The following C11orf65 variants were observed in gnomAD, a reference collection of about 807,000 sequenced individuals.
C11orf65 encodes the protein protein MFI.
A neutral mutation model predicts 35.3 loss-of-function variants in C11orf65; 38 were observed. The ratio of observed to expected loss-of-function variants is 1.08; its 90% CI spans 0.83 to 1.41. The LOEUF is 1.41. Among genes scored for constraint, C11orf65 ranks in the 40% most tolerant of loss-of-function variants. The probability of loss-of-function intolerance (pLI) is 0.00; values close to 1 mark genes in which losing one functional copy is unlikely to be tolerated. For missense variants in C11orf65, 370 were observed against 367.1 expected (o/e 1.01, Z -0.06); for synonymous variants, 105 against 114.4 (o/e 0.92, Z 0.53).
chr11:108,321,455 G>T, intron 6 of C11orf65: 1 of 1,613,532 alleles, frequency 6.2e-7, no homozygotes, highest in Non-Finnish European at 8.5e-7. Flanking sequence ...ATCCTAAAGT[G>T]CAGCTTTTCT....
intron 6 of C11orf65, among the ~76,000 whole-genome samples, chr11:108,405,155 A>G (rs1412326863): frequency 6.6e-6 from 1 of 152,162 alleles, no homozygotes; most frequent in African/African-American, 2.4e-5. Context: ...TTTGTTAACT[A>G]ATCTTAATGA....
intron 2 of C11orf65, among the ~76,000 whole-genome samples, chr11:108,445,930 G>T (rs1297965988): frequency 6.6e-6 from 1 of 152,168 alleles, no homozygotes; most frequent in Non-Finnish European, 1.5e-5. Flanking sequence ...GTGCTTAAAG[G>T]AGCTGATGGA....
At chr11:108,359,428 G>A (rs573187476) in intron 2 of C11orf65, among the ~76,000 whole-genome samples, 1 of 152,150 alleles carries the variant, frequency 6.6e-6, no homozygotes, top group East Asian at 1.9e-4. Flanking sequence ...ATTGAACTCA[G>A]CTCTGCACCA....
chr11:108,392,958 GAC>G (rs2092200847), intron 7 of C11orf65, among the ~76,000 whole-genome samples: 1 of 152,242 alleles, frequency 6.6e-6, no homozygotes, highest in East Asian at 1.9e-4. Flanking sequence ...AAGCAAAGCA[GAC>G]TAAAGCATAA....
At chr11:108,366,029 CAAA>C (rs369583811) in intron 2 of C11orf65, 124 of 100,356 alleles carry the variant, frequency 1.2e-3, no homozygotes, top group Middle Eastern at 4.4e-3. Context: ...AACTCCATCT[CAAA>C]AAAAAAAAAA....
intron 2 of C11orf65, among the ~76,000 whole-genome samples, chr11:108,450,078 A>G (rs1341494103): frequency 5.3e-5 from 8 of 152,082 alleles, no homozygotes; most frequent in Admixed American, 1.3e-4. Flanking sequence ...CAAAACCACA[A>G]TGAGATACCA....
At position 108,366,815 on chromosome 11, in the gene C11orf65, A is replaced by C. The variant is rs2091357915; in HGVS notation, c.226+26393T>G. ...ATAAGCTTCCATGTGTCCCACCTTT[A>C]TGGCAGGGGTGGAAGGAGGTACATT... On this transcript the variant is annotated intron_variant, in intron 2 of 3. Coordinates refer to the C11orf65 transcript ENST00000524755. The C allele has an allele frequency of 1.3e-5, 3 of 229,526 alleles. No individual in the cohort carries two copies. In the South Asian group the frequency reaches 5.4e-4, roughly 42 times the overall value. The allele number at this position is 229,526 out of a possible 1,614,324, so 14.2% of individuals were successfully genotyped here.
intron 2 of C11orf65, among the ~76,000 whole-genome samples, chr11:108,376,339 G>A (rs1460377032): frequency 7.2e-5 from 11 of 152,100 alleles, no homozygotes; most frequent in South Asian, 2.1e-4. Context: ...ACTCAAAACC[G>A]CTCAACTACA....
At chr11:108,341,522 C>A (rs2087577086) in intron 2 of C11orf65, among the ~76,000 whole-genome samples, 1 of 152,018 alleles carries the variant, frequency 6.6e-6, no homozygotes, top group South Asian at 2.1e-4. Flanking sequence ...TGTAATACGC[C>A]CCCAACAAAT....
intron 2 of C11orf65, among the ~76,000 whole-genome samples, chr11:108,338,987 A>G (rs1454958567): frequency 6.6e-6 from 1 of 152,206 alleles, no homozygotes; most frequent in Non-Finnish European, 1.5e-5. Flanking sequence ...TACATTGACT[A>G]CCTGGAACTA....
chr11:108,328,951 A>C, downstream of C11orf65: 1 of 1,448,176 alleles, frequency 6.9e-7, no homozygotes, highest in Non-Finnish European at 9.6e-7. Context: ...GTATTACCTT[A>C]ATTTGAGTGA....
At chr11:108,346,004 G>T (rs1450372588) in intron 2 of C11orf65, 4 of 1,425,988 alleles carry the variant, frequency 2.8e-6, no homozygotes, top group Non-Finnish European at 3.0e-6. Context: ...CTGAGTTGCA[G>T]GGGGATGATA....
Position 108,397,921 on chromosome 11 carries a change from T to C in C11orf65, c.561-4543A>G, listed in dbSNP as rs917118787. Among the ~76,000 whole-genome samples the C allele has an allele frequency of 3.3e-5, 5 of 152,144 alleles. No homozygotes were observed. The East Asian group carries it at 5.8e-4, about 18-fold the overall frequency. On this transcript the variant is annotated intron_variant, in intron 6 of 8. Coordinates refer to ENST00000393084, the MANE Select transcript of C11orf65 (RefSeq NM_152587.5). Reference sequence around the variant, plus strand: ...AGGTGGCAGACAAATACACAGTTAATTGCAAAAATGTGACCACTGAGTATA... The same window carrying C: ...AGGTGGCAGACAAATACACAGTTAACTGCAAAAATGTGACCACTGAGTATA...
intron 7 of C11orf65, among the ~76,000 whole-genome samples, chr11:108,388,698 G>A (rs903192676): frequency 5.3e-5 from 8 of 152,174 alleles, no homozygotes; most frequent in African/African-American, 1.2e-4. Context: ...TTTGAAAAAC[G>A]TGATGATCCT....
In C11orf65 at chr11:108,326,225, G is replaced by T. The variant is rs556778314; in HGVS notation, c.641-17154C>A. 1 of 1,613,700 alleles carries T rather than the reference G, an allele frequency of 6.2e-7. No individual in the cohort carries two copies. Among genetic ancestry groups the T allele is most frequent in the Non-Finnish European group, 8.5e-7 (1 of 1,179,930 alleles). The stretch of plus-strand genomic sequence containing the variant: ...AGAAGTTGGATGCCAGCTGTGCAGC[G>T]GTTTGTTTTTTTTATTGGCTGGATT... On this transcript the variant is annotated intron_variant, in intron 6 of 6. Transcript: ENST00000525729.
At chr11:108,424,546 C>T (rs190199532) in intron 3 of C11orf65, among the ~76,000 whole-genome samples, 10 of 152,200 alleles carry the variant, frequency 6.6e-5, no homozygotes, top group East Asian at 5.8e-4. Context: ...GACTTAGACT[C>T]CCACACAATA....
chr11:108,456,015 C>T (rs2093408204), intron 2 of C11orf65, among the ~76,000 whole-genome samples: 1 of 149,998 alleles, frequency 6.7e-6, no homozygotes, highest in African/African-American at 2.5e-5. Context: ...AGTATCCAGG[C>T]ATGGTGACCC....
rs1555119959 is a variant in C11orf65, at chr11:108,326,168, T to C, written c.641-17097A>G. 1 of 1,614,048 alleles carries C rather than the reference T, an allele frequency of 6.2e-7. No individual in the cohort carries two copies. Among genetic ancestry groups the C allele is most frequent in the Non-Finnish European group, 8.5e-7 (1 of 1,180,006 alleles). Reference sequence around the variant, plus strand: ...TATTCTGGGCAAAAAAGGAGCAGAGTCTTGCCCTGAGTATTCTCAAGCAAA... The same window carrying C: ...TATTCTGGGCAAAAAAGGAGCAGAGCCTTGCCCTGAGTATTCTCAAGCAAA... On this transcript the variant is annotated intron_variant, in intron 6 of 6. Transcript: ENST00000525729.
chr11:108,407,436 C>G (rs1028653048), intron 3 of C11orf65, among the ~76,000 whole-genome samples: 5 of 151,824 alleles, frequency 3.3e-5, no homozygotes, highest in African/African-American at 1.2e-4. Context: ...CTCAGCCTCC[C>G]AGATAGCTGA....
Sources: gnomAD v4.1 joint callset for allele counts (sites outside exome capture counted in the v4.1 genomes callset) on GRCh38, gnomAD v4.1.1 for gene constraint, MANE v1.5 for transcripts, NCBI Gene and HGNC (gene_info 2026-07-23, HGNC 2026-07-21) for gene names.